Variants in DPP6 observed in about 807,000 individuals in gnomAD.
DPP6 encodes A-type potassium channel modulatory protein DPP6.
A neutral mutation model predicts 122.6 loss-of-function variants in DPP6; 69 were observed. That is an observed-to-expected ratio of 0.56 (90% CI 0.46 to 0.69). The LOEUF is 0.69. Ranked by LOEUF, DPP6 falls within the 30% of genes least tolerant of loss-of-function variation. The pLI is 0.00. For missense variants in DPP6, 928 were observed against 1,116.9 expected (o/e 0.83, Z 2.41); for synonymous variants, 418 against 433.1 (o/e 0.97, Z 0.43).
intron 5 of DPP6, among the ~76,000 whole-genome samples, chr7:154,611,543 G>T (rs1833910313): frequency 1.3e-5 from 2 of 152,170 alleles, no homozygotes; most frequent in Non-Finnish European, 1.5e-5. Flanking sequence ...GTGTGCATGT[G>T]TGTGTGTGTA....
intron 16 of DPP6, among the ~76,000 whole-genome samples, chr7:154,831,927 A>ACAT (rs745538891): frequency 6.6e-6 from 1 of 152,234 alleles, no homozygotes; most frequent in Non-Finnish European, 1.5e-5. Flanking sequence ...TTACAAAAAT[A>ACAT]CATAGGCTTC....
At chr7:154,066,548 G>A (rs528721136) in intron 1 of DPP6, among the ~76,000 whole-genome samples, 4 of 152,192 alleles carry the variant, frequency 2.6e-5, no homozygotes, top group Admixed American at 1.3e-4. Flanking sequence ...GAGTGAGTGA[G>A]GCAGCTTAAG....
chr7:154,386,724 A>C (rs866045464), intron 1 of DPP6, among the ~76,000 whole-genome samples: 34 of 152,148 alleles, frequency 2.2e-4, no homozygotes, highest in African/African-American at 7.7e-4. Context: ...AGATGCAAAA[A>C]CCCCATCTAC....
chr7:154,360,463 G>A (rs1049312964), intron 1 of DPP6, among the ~76,000 whole-genome samples: 3 of 152,162 alleles, frequency 2.0e-5, no homozygotes, highest in African/African-American at 4.8e-5. Context: ...CAAGATGATC[G>A]TTCCAGACAG....
chr7:154,021,183 T>G (rs1299512415), intron 1 of DPP6, among the ~76,000 whole-genome samples: 1 of 152,132 alleles, frequency 6.6e-6, no homozygotes, highest in Non-Finnish European at 1.5e-5. Flanking sequence ...AGAGTGAGGC[T>G]TCAGCACTCT....
At chr7:154,189,552 A>G (rs1416684686) in intron 1 of DPP6, among the ~76,000 whole-genome samples, 2 of 152,210 alleles carry the variant, frequency 1.3e-5, no homozygotes, top group Non-Finnish European at 2.9e-5. Context: ...TCTATGAAGT[A>G]GCTCTGTGTG....
At chr7:154,157,423 G>T (rs1271402336) in intron 1 of DPP6, among the ~76,000 whole-genome samples, 1 of 152,162 alleles carries the variant, frequency 6.6e-6, no homozygotes, top group Non-Finnish European at 1.5e-5. Flanking sequence ...TAGTTGTCTT[G>T]TGCTTCGTGT....
chr7:154,506,334 A>AT, intron 3 of DPP6, among the ~76,000 whole-genome samples: 1 of 152,182 alleles, frequency 6.6e-6, no homozygotes, highest in Non-Finnish European at 1.5e-5. Context: ...TTCAGTAAAG[A>AT]TTTTTTAAGT....
chr7:154,519,777 ATTC>A (rs143168321), intron 3 of DPP6, among the ~76,000 whole-genome samples: 110 of 152,304 alleles, frequency 7.2e-4, no homozygotes, highest in African/African-American at 2.5e-3. Context: ...TCTACCTAAA[ATTC>A]TTCTGGAATA....
At chr7:154,056,243 A>G (rs936289907) in intron 1 of DPP6, among the ~76,000 whole-genome samples, 4 of 152,072 alleles carry the variant, frequency 2.6e-5, no homozygotes, top group African/African-American at 9.7e-5. Context: ...GGTCTTCTCT[A>G]TCCACTTCCT....
chr7:154,015,916 C>G (rs1798383245), intron 1 of DPP6, among the ~76,000 whole-genome samples: 1 of 152,188 alleles, frequency 6.6e-6, no homozygotes, highest in African/African-American at 2.4e-5. Flanking sequence ...CTTTGCACAT[C>G]TCAGACCGAA....
intron 3 of DPP6, among the ~76,000 whole-genome samples, chr7:154,503,385 A>G (rs1328284252): frequency 6.6e-6 from 1 of 152,162 alleles, no homozygotes; most frequent in Non-Finnish European, 1.5e-5. Flanking sequence ...CTTACTACCC[A>G]ATTGATTGCT....
intron 1 of DPP6, among the ~76,000 whole-genome samples, chr7:154,414,290 A>T (rs1301099143): frequency 6.6e-6 from 1 of 152,234 alleles, no homozygotes; most frequent in Non-Finnish European, 1.5e-5. Context: ...TCAGCTTTTG[A>T]GTTTCCTCTT....
At chr7:154,337,180 GA>G (rs1413231987) in intron 1 of DPP6, among the ~76,000 whole-genome samples, 2 of 152,188 alleles carry the variant, frequency 1.3e-5, no homozygotes, top group Non-Finnish European at 2.9e-5. Context: ...GCAGACTAGG[GA>G]CAAGTGACTT....
Position 154,877,252 on chromosome 7 carries a change from G to A in DPP6, c.2078+1152G>A, listed in dbSNP as rs1239667559. The A allele has an allele frequency of 6.6e-6, 1 of 152,262 alleles. No individual in the cohort carries two copies. The highest frequency in any genetic ancestry group is 6.5e-5 in the Admixed American group (1 of 15,280). The allele number at this position is 152,262 out of a possible 1,614,324, so 9.4% of individuals were successfully genotyped here. A position where few individuals can be genotyped will look rare whatever the true frequency, so the allele number is the denominator to read the frequency against. Reference sequence around the variant, plus strand: ...CCTCCTCCAGGGAGCTATGAGCTGGGTGATGGCAGACAAAGCAATTGCTTC... The same window carrying A: ...CCTCCTCCAGGGAGCTATGAGCTGGATGATGGCAGACAAAGCAATTGCTTC... On this transcript the variant is annotated intron_variant, in intron 20 of 25. Transcript: ENST00000377770. This position sits in a 1 kb window ranked among gnomAD's most constrained non-coding sequence, Gnocchi z 5.2.
At chr7:154,296,162 T>G (rs916094490) in intron 1 of DPP6, among the ~76,000 whole-genome samples, 1 of 152,020 alleles carries the variant, frequency 6.6e-6, no homozygotes, top group Non-Finnish European at 1.5e-5. Flanking sequence ...GCCAGGATGG[T>G]CTCAATCTCG....
At chr7:154,510,871 C>G (rs1484252565) in intron 3 of DPP6, among the ~76,000 whole-genome samples, 1 of 151,800 alleles carries the variant, frequency 6.6e-6, no homozygotes, top group Non-Finnish European at 1.5e-5. Context: ...TGTGCTTGCT[C>G]TTGCTCTCAC....
intron 1 of DPP6, among the ~76,000 whole-genome samples, chr7:154,392,236 G>C (rs1814689620): frequency 6.6e-6 from 1 of 152,254 alleles, no homozygotes; most frequent in African/African-American, 2.4e-5. Flanking sequence ...TGGCACCACT[G>C]CACTCCAGCC....
chr7:153,908,472 G>C (rs138145567), intron 1 of DPP6, among the ~76,000 whole-genome samples: 2,504 of 152,170 alleles, frequency 0.016, 38 homozygotes, highest in Middle Eastern at 0.034. Context: ...AGATAGTAGA[G>C]TACCAAAAAA....
Sources: allele counts gnomAD v4.1 joint callset (sites outside exome capture counted in the v4.1 genomes callset), GRCh38; gene constraint gnomAD v4.1.1; non-coding constraint Gnocchi (gnomAD v3.1); transcripts MANE v1.5; gene names NCBI Gene and HGNC (gene_info 2026-07-23, HGNC 2026-07-21).